The following PYGB variants were observed in gnomAD, a reference collection of about 807,000 sequenced individuals.
The protein encoded by PYGB is glycogen phosphorylase, brain form.
Under a neutral mutation model 94.3 loss-of-function variants are expected in PYGB, and 82 were observed. The observed-to-expected ratio is 0.87, with a 90% CI of 0.73 to 1.04. The LOEUF (loss-of-function observed/expected upper bound fraction) is 1.04, where lower values mean the gene tolerates loss of function less well. PYGB is among the 50% of genes least tolerant of loss of function. PYGB has a pLI of 0.00. For synonymous variants in PYGB, 488 were observed against 479.1 expected (o/e 1.02, Z -0.24); for missense variants, 1,132 against 1,158.2 (o/e 0.98, Z 0.33).
chr20:25,259,274 G>T lies in PYGB; in HGVS notation c.281G>T (p.Arg94Leu), dbSNP rs769655708. 1 of 1,611,188 alleles carries T rather than the reference G, an allele frequency of 6.2e-7. No individual in the cohort carries two copies. The highest frequency in any genetic ancestry group is 1.1e-5 in the South Asian group (1 of 91,006). Reference sequence around the variant, plus strand: ...CTTTCCCTGGAATTCTACATGGGTCGCACGCTGCAGAACACGATGGTGAAC... The same window carrying T: ...CTTTCCCTGGAATTCTACATGGGTCTCACGCTGCAGAACACGATGGTGAAC... ...YYLSLEFYMG[R>L]TLQNTMVNLG... The change falls in exon 2 of 20, where the codon CGC becomes CTC. Residue 94 changes from arginine to leucine, a missense_variant. Physicochemically the swap from Arg to Leu is moderately radical, Grantham distance 102. Transcript: ENST00000216962.
intron 19 of PYGB, 55 bp downstream of exon 19, chr20:25,295,725 G>A (rs375330538): frequency 8.4e-5 from 127 of 1,518,354 alleles, no homozygotes; most frequent in South Asian, 3.6e-4. Flanking sequence ...CCATGTAGAC[G>A]TGTTGGGTCA....
intron 16 of PYGB, among the ~76,000 whole-genome samples, chr20:25,290,893 C>T (rs965873057): frequency 1.7e-4 from 26 of 152,274 alleles, no homozygotes; most frequent in Non-Finnish European, 3.5e-4. Flanking sequence ...CTGGCCTGCC[C>T]TCTGTATCCT....
At chr20:25,270,559 A>G (rs1397345040) in intron 3 of PYGB, among the ~76,000 whole-genome samples, 2 of 151,998 alleles carry the variant, frequency 1.3e-5, no homozygotes, top group Non-Finnish European at 2.9e-5. Flanking sequence ...GTGCACTGGC[A>G]CAATCTTGGC....
chr20:25,253,371 G>C (rs2092893701), intron 1 of PYGB, among the ~76,000 whole-genome samples: 1 of 152,304 alleles, frequency 6.6e-6, no homozygotes, highest in South Asian at 2.1e-4. Flanking sequence ...ATAAAATATG[G>C]CCGGGCGTGG....
chr20:25,292,714 CTG>C, intron 17 of PYGB, 101 bp downstream of exon 17: 1 of 1,416,188 alleles, frequency 7.1e-7, no homozygotes, highest in Non-Finnish European at 9.5e-7. Context: ...GGCCAGGCCA[CTG>C]TGTGCTAGGG....
At chr20:25,268,171 C>CCCCCCCA (rs1555806050) in intron 2 of PYGB, among the ~76,000 whole-genome samples, 1 of 121,600 alleles carries the variant, frequency 8.2e-6, no homozygotes, top group African/African-American at 3.0e-5. Flanking sequence ...GCCCCCCCCC[C>CCCCCCCA]ATATCCAAAA....
At chr20:25,276,380 A>G (rs900720792) in intron 5 of PYGB, among the ~76,000 whole-genome samples, 1 of 152,066 alleles carries the variant, frequency 6.6e-6, no homozygotes, top group Non-Finnish European at 1.5e-5. Flanking sequence ...TTCCTGAGGA[A>G]GGTCAAGTGA....
At chr20:25,257,680 A>AT (rs2092905331) in intron 1 of PYGB, among the ~76,000 whole-genome samples, 1 of 152,022 alleles carries the variant, frequency 6.6e-6, no homozygotes, top group South Asian at 2.1e-4. Context: ...AAAAATATAC[A>AT]TTTTTAGTTA....
At chr20:25,278,578 C>T (rs1445061003) in intron 8 of PYGB, 116 bp downstream of exon 8, 2 of 1,367,750 alleles carry the variant, frequency 1.5e-6, no homozygotes, top group East Asian at 2.4e-5. Flanking sequence ...TGCCCCTTGT[C>T]TTGGGGTCTC....
At chr20:25,293,008 CGGGAGCACTCTGCT>C (rs2088484663) in intron 17 of PYGB, among the ~76,000 whole-genome samples, 1 of 152,088 alleles carries the variant, frequency 6.6e-6, no homozygotes, top group Non-Finnish European at 1.5e-5. Flanking sequence ...GGCGCTCTGC[CGGGAGCACTCTGCT>C]GATTTGGGGC....
In PYGB at chr20:25,297,791, G is replaced by C. The variant is rs200773198; in HGVS notation, c.*1269G>C. 1.3e-5 allele frequency: 2 copies of C among 152,000 alleles called. No individual in the cohort carries two copies. The highest frequency in any genetic ancestry group is 4.8e-5 in the African/African-American group (2 of 41,428). The allele number at this position is 152,000 out of a possible 1,614,324, so 9.4% of individuals were successfully genotyped here. On this transcript the variant is annotated 3_prime_UTR_variant, in exon 20 of 20. Coordinates refer to ENST00000216962, the MANE Select transcript of PYGB (RefSeq NM_002862.4). ...GTGCCCACCAGGAGGATCTGCGCAC[G>C]GTGCACAGCCCACCAGAGCACTACA...
chr20:25,270,204 TTG>T (rs1452348261), intron 3 of PYGB, among the ~76,000 whole-genome samples: 109 of 137,706 alleles, frequency 7.9e-4, no homozygotes, highest in African/African-American at 3.2e-3. Context: ...TTGTTTTGTT[TTG>T]TTTTTTTTTT....
rs2088363586 is a variant in PYGB at position 25,281,126 on chromosome 20, T to A, written c.1403+14T>A. 2.5e-6 allele frequency: 4 copies of A among 1,613,586 alleles called. No individual in the cohort carries two copies. Among genetic ancestry groups the A allele is most frequent in the Admixed American group, 1.7e-5 (1 of 59,966 alleles). On this transcript the variant is annotated intron_variant, in intron 11 of 19. Coordinates refer to ENST00000216962, the MANE Select transcript of PYGB (RefSeq NM_002862.4). Reference sequence around the variant, plus strand: ...GAAACAGTCGGTGTGAGTGGGGCGCTTGCCCGAGCGGGGCCAGCTCTGTCT... The same window carrying A: ...GAAACAGTCGGTGTGAGTGGGGCGCATGCCCGAGCGGGGCCAGCTCTGTCT...
chr20:25,270,082 C>G (rs1452050135), intron 3 of PYGB, among the ~76,000 whole-genome samples: 2 of 152,220 alleles, frequency 1.3e-5, no homozygotes, highest in African/African-American at 2.4e-5. Context: ...ATCCCTCTCC[C>G]TCAGCAGAGG....
At chr20:25,294,841 G>T in intron 18 of PYGB, 1 of 957,584 alleles carries the variant, frequency 1.0e-6, no homozygotes, top group Non-Finnish European at 1.7e-6. Context: ...GCTCAGGGCA[G>T]TTCTTCACCG....
At chr20:25,294,126 T>C (rs773774012) in intron 17 of PYGB, 32 bp from the exon 18 acceptor site, 2 of 1,609,760 alleles carry the variant, frequency 1.2e-6, no homozygotes, top group Non-Finnish European at 1.7e-6. Flanking sequence ...CCTGGGGCGC[T>C]GGCTGCTGAC....
intron 14 of PYGB, among the ~76,000 whole-genome samples, chr20:25,286,324 G>A (rs1337502839): frequency 6.6e-6 from 1 of 152,204 alleles, no homozygotes; most frequent in East Asian, 1.9e-4. Flanking sequence ...GTTTGTCCTT[G>A]TCCTGTGGAG....
intron 18 of PYGB, among the ~76,000 whole-genome samples, 158 bp downstream of exon 18, chr20:25,294,450 G>C (rs2088508484): frequency 6.6e-6 from 1 of 152,226 alleles, no homozygotes; most frequent in African/African-American, 2.4e-5. Flanking sequence ...CAGAGCCTTA[G>C]ACCCCAGCTG....
At position 25,296,552 on chromosome 20, in the gene PYGB, C is replaced by T. The variant is rs200109245; in HGVS notation, c.*30C>T. 3 of 1,588,666 alleles carry T rather than the reference C, an allele frequency of 1.9e-6. No individual in the cohort carries two copies. The highest frequency in any genetic ancestry group is 2.6e-6 in the Non-Finnish European group (3 of 1,167,502). Reference sequence around the variant, plus strand: ...ACCCTGCCTTGGCGGGACCAGCGGGCATTTGTTTTCTTGCTGACTTTGCAC... The same window carrying T: ...ACCCTGCCTTGGCGGGACCAGCGGGTATTTGTTTTCTTGCTGACTTTGCAC... On this transcript the variant is annotated 3_prime_UTR_variant, in exon 20 of 20. Coordinates refer to ENST00000216962, the MANE Select transcript of PYGB (RefSeq NM_002862.4).
Sources: allele counts gnomAD v4.1 joint callset (sites outside exome capture counted in the v4.1 genomes callset), GRCh38; gene constraint gnomAD v4.1.1; transcripts MANE v1.5; gene names NCBI Gene and HGNC (gene_info 2026-07-23, HGNC 2026-07-21).